Variants in RBM47 observed in about 807,000 individuals in gnomAD.
The protein encoded by RBM47 is RNA binding motif protein 47.
Under a neutral mutation model 47.1 loss-of-function variants are expected in RBM47, and 21 were observed. The ratio of observed to expected loss-of-function variants is 0.45; its 90% CI spans 0.32 to 0.64. The LOEUF is 0.64. Among genes scored for constraint, RBM47 ranks in the 30% least tolerant of loss-of-function variants. The probability of loss-of-function intolerance (pLI) is 0.05; values close to 1 mark genes in which losing one functional copy is unlikely to be tolerated. For missense variants in RBM47, 708 were observed against 870.9 expected (o/e 0.81, Z 2.35); for synonymous variants, 375 against 361.7 (o/e 1.04, Z -0.42).
At chr4:40,460,287 C>T (rs374512807) in intron 3 of RBM47, among the ~76,000 whole-genome samples, 11 of 149,998 alleles carry the variant, frequency 7.3e-5, no homozygotes, top group African/African-American at 2.2e-4. Flanking sequence ...CTCAGGAATT[C>T]GGTAGAGATT....
chr4:40,437,698 G>C, intron 4 of RBM47, 73 bp downstream of exon 4: 1 of 1,428,830 alleles, frequency 7.0e-7, no homozygotes, highest in Non-Finnish European at 9.6e-7. Context: ...TGCCAGCCAC[G>C]GTATCCCTGG....
intron 1 of RBM47, among the ~76,000 whole-genome samples, chr4:40,567,307 C>T (rs1731195430): frequency 6.6e-6 from 1 of 151,976 alleles, no homozygotes; most frequent in South Asian, 2.1e-4. Flanking sequence ...GATTTTGTTA[C>T]ATTACAACTA....
At chr4:40,458,438 T>C (rs73809036) in intron 3 of RBM47, among the ~76,000 whole-genome samples, 2,399 of 152,344 alleles carry the variant, frequency 0.016, 34 homozygotes, top group African/African-American at 0.041. Flanking sequence ...GCAATAATTA[T>C]AGTAGAATAG....
chr4:40,458,764 C>T (rs1414421770), intron 3 of RBM47, among the ~76,000 whole-genome samples: 19 of 150,200 alleles, frequency 1.3e-4, no homozygotes, highest in Middle Eastern at 3.4e-3. Context: ...GTTTTTTTTT[C>T]CCCCTTTTCT....
intron 3 of RBM47, among the ~76,000 whole-genome samples, chr4:40,448,138 G>A (rs1714836923): frequency 6.6e-6 from 1 of 151,718 alleles, no homozygotes; most frequent in Admixed American, 6.6e-5. Context: ...AGAGGTTGCA[G>A]TGAGCCGAGA....
At chr4:40,569,652 G>A (rs994848903) in intron 1 of RBM47, among the ~76,000 whole-genome samples, 15 of 150,920 alleles carry the variant, frequency 9.9e-5, no homozygotes, top group Non-Finnish European at 1.9e-4. Flanking sequence ...CTGGTGATCC[G>A]CCCGCCTTGG....
At chr4:40,541,260 T>C in intron 2 of RBM47, among the ~76,000 whole-genome samples, 1 of 121,616 alleles carries the variant, frequency 8.2e-6, no homozygotes, top group Non-Finnish European at 1.6e-5. Context: ...AGCAAGATTC[T>C]CTCAAAAAAA....
chr4:40,623,974 C>A (rs762570754), intron 1 of RBM47, among the ~76,000 whole-genome samples: 103 of 152,176 alleles, frequency 6.8e-4, no homozygotes, highest in Non-Finnish European at 1.3e-3. Context: ...ACCTCAGCCT[C>A]CCTGGTAGCT....
intron 1 of RBM47, among the ~76,000 whole-genome samples, chr4:40,563,996 G>T (rs773667748): frequency 6.6e-6 from 1 of 152,172 alleles, no homozygotes; most frequent in Admixed American, 6.5e-5. Context: ...AATTGCTTGA[G>T]CCCAGGAGTT....
At chr4:40,579,223 C>A (rs1193229762) in intron 1 of RBM47, among the ~76,000 whole-genome samples, 1 of 151,556 alleles carries the variant, frequency 6.6e-6, no homozygotes, top group African/African-American at 2.4e-5. Context: ...GAGACTGAGA[C>A]CATCCTGGCT....
chr4:40,589,933 T>A (rs1733971770), intron 1 of RBM47, among the ~76,000 whole-genome samples: 1 of 152,058 alleles, frequency 6.6e-6, no homozygotes, highest in African/African-American at 2.4e-5. Flanking sequence ...CTACTTTTGA[T>A]AGAATCCTGA....
chr4:40,596,605 G>T (rs912580016), intron 1 of RBM47, among the ~76,000 whole-genome samples: 1 of 152,092 alleles, frequency 6.6e-6, no homozygotes, highest in Admixed American at 6.6e-5. Context: ...CAATAACATT[G>T]TATTTATGGA....
intron 6 of RBM47, among the ~76,000 whole-genome samples, chr4:40,429,689 A>AAAG: frequency 1.9e-5 from 1 of 53,396 alleles, no homozygotes. Context: ...ACTCCATCTC[A>AAAG]AAAAAAAAAA....
chr4:40,493,881 G>A (rs1048678363), intron 2 of RBM47, among the ~76,000 whole-genome samples: 6 of 152,176 alleles, frequency 3.9e-5, no homozygotes, highest in Middle Eastern at 3.4e-3. Flanking sequence ...AGAGGTTGCA[G>A]TGAGCCAAGA....
chr4:40,599,171 T>A (rs1404732216), intron 1 of RBM47, among the ~76,000 whole-genome samples: 1 of 148,636 alleles, frequency 6.7e-6, no homozygotes, highest in Admixed American at 6.8e-5. Flanking sequence ...GGCAAGAGAA[T>A]GGCTTGAACC....
chr4:40,450,029 A>G (rs550126117), intron 3 of RBM47, among the ~76,000 whole-genome samples: 3 of 152,280 alleles, frequency 2.0e-5, no homozygotes, highest in African/African-American at 7.2e-5. Flanking sequence ...CTAAAGGTTG[A>G]TGGGGTAATG....
At chr4:40,561,888 G>T (rs1730672048) in intron 1 of RBM47, among the ~76,000 whole-genome samples, 2 of 152,058 alleles carry the variant, frequency 1.3e-5, no homozygotes, top group African/African-American at 4.8e-5. Context: ...TACTAGATCA[G>T]AAATCTCTGT....
chr4:40,568,428 CAAAAAAAAAA>C (rs35434439), intron 1 of RBM47, among the ~76,000 whole-genome samples: 6 of 57,578 alleles, frequency 1.0e-4, no homozygotes, highest in East Asian at 5.5e-4. Flanking sequence ...AACCCTGTCT[CAAAAAAAAAA>C]AAAAAAAAAA....
chr4:40,567,100 T>G (rs1020813131), intron 1 of RBM47, among the ~76,000 whole-genome samples: 11 of 151,980 alleles, frequency 7.2e-5, no homozygotes, highest in African/African-American at 2.2e-4. Flanking sequence ...TAAGTAATAG[T>G]GATCCATGTT....
Sources: allele counts gnomAD v4.1 joint callset (sites outside exome capture counted in the v4.1 genomes callset), GRCh38; gene constraint gnomAD v4.1.1; transcripts MANE v1.5; gene names NCBI Gene and HGNC (gene_info 2026-07-23, HGNC 2026-07-21).